TSHR: variants seen among roughly 807,000 people sequenced by gnomAD.
TSHR encodes the protein thyroid stimulating hormone receptor, also known as thyrotropin receptor.
In TSHR, 51 loss-of-function variants were observed where a neutral mutation model predicts 64.1. The observed-to-expected ratio is 0.80, with a 90% CI of 0.64 to 1.01. TSHR has a LOEUF of 1.01. TSHR is among the 50% of genes least tolerant of loss of function. The pLI, the probability that TSHR is intolerant of heterozygous loss-of-function variation, is 0.00. For missense variants in TSHR, 877 were observed against 942.8 expected (o/e 0.93, Z 0.91); for synonymous variants, 361 against 361.9 (o/e 1.00, Z 0.03).
chr14:80,984,886 C>T (rs1273915930), intron 1 of TSHR, among the ~76,000 whole-genome samples: 2 of 152,044 alleles, frequency 1.3e-5, no homozygotes, highest in East Asian at 3.9e-4. Flanking sequence ...CTTTTTCTAC[C>T]CATTTGTACT....
At position 81,103,770 on chromosome 14, in the gene TSHR, CGCAATCTGCGTGGGGAT is replaced by C. The variant is rs1194095035; in HGVS notation, c.615-4604_615-4588del. ...GAATTTCTTTTCCATCCTCTTTCCA[CGCAATCTGCGTGGGGAT>C]ATGTTGCTTCTCACAGAATGTCTGA... On this transcript the variant is annotated intron_variant, in intron 7 of 9. Transcript: ENST00000298171. This position sits in a 1 kb window ranked among gnomAD's most constrained non-coding sequence, Gnocchi z 4.1. 3.0e-6 allele frequency: 3 copies of C among 985,358 alleles called. No individual in the cohort carries two copies. The highest frequency in any genetic ancestry group is 3.5e-5 in the African/African-American group (2 of 57,252). 61.0% of individuals were successfully genotyped at this position (985,358 alleles called of 1,614,324 possible).
intron 1 of TSHR, among the ~76,000 whole-genome samples, chr14:81,004,605 CAGTT>C (rs976500636): frequency 1.3e-5 from 2 of 152,160 alleles, no homozygotes; most frequent in Non-Finnish European, 2.9e-5. Flanking sequence ...TTACCAAAGA[CAGTT>C]AGGTAGCAGA....
At chr14:81,124,960 A>G (rs1420106630) in intron 8 of TSHR, among the ~76,000 whole-genome samples, 1 of 152,140 alleles carries the variant, frequency 6.6e-6, no homozygotes, top group East Asian at 1.9e-4. Context: ...CTCTCTGCCA[A>G]CCCTAGTGCA....
chr14:80,978,070 C>T (rs990462011), intron 1 of TSHR, among the ~76,000 whole-genome samples: 3 of 148,420 alleles, frequency 2.0e-5, no homozygotes, highest in Non-Finnish European at 3.0e-5. Flanking sequence ...ATCTTCCTTG[C>T]CTCCTCCTCA....
Position 81,108,661 on chromosome 14 carries a change from C to T in TSHR, c.692+209C>T, listed in dbSNP as rs3783941. The T allele has an allele frequency of 4.0e-5, 64 of 1,613,792 alleles. No individual in the cohort carries two copies. The highest frequency in any genetic ancestry group is 5.1e-5 in the Non-Finnish European group (60 of 1,179,938). On this transcript the variant is annotated intron_variant, in intron 8 of 9. Coordinates refer to ENST00000298171, the MANE Select transcript of TSHR (RefSeq NM_000369.5). ...GTCCTTTGAGACTCAGAAGGCCCCACGCTCCAGTATGCCATCATGATGCCT... is the reference window on the plus strand; with the variant it reads ...GTCCTTTGAGACTCAGAAGGCCCCATGCTCCAGTATGCCATCATGATGCCT...
chr14:80,991,935 T>C, intron 1 of TSHR: 1 of 232,400 alleles, frequency 4.3e-6, no homozygotes, highest in Non-Finnish European at 8.2e-6. Flanking sequence ...AATCACTTTG[T>C]TCTGGTTTAC....
chr14:81,021,388 C>A (rs1219612062), intron 1 of TSHR, among the ~76,000 whole-genome samples: 3 of 152,090 alleles, frequency 2.0e-5, no homozygotes, highest in African/African-American at 7.2e-5. Flanking sequence ...GATGTTTTAC[C>A]TGCTTGTCTT....
At chr14:81,074,772 AGT>A (rs1226669185) in intron 3 of TSHR, among the ~76,000 whole-genome samples, 2 of 138,964 alleles carry the variant, frequency 1.4e-5, no homozygotes, top group African/African-American at 6.9e-5. Flanking sequence ...CCATTTCATA[AGT>A]GTGTTTTCTT....
intron 5 of TSHR, among the ~76,000 whole-genome samples, chr14:81,092,221 G>T (rs1175609070): frequency 6.6e-6 from 1 of 152,112 alleles, no homozygotes; most frequent in African/African-American, 2.4e-5. Context: ...ACAAAGTGTT[G>T]CAGATTCGGG....
chr14:80,982,566 G>A (rs1888228336), intron 1 of TSHR: 1 of 1,010,950 alleles, frequency 9.9e-7, no homozygotes, highest in South Asian at 2.8e-5. Flanking sequence ...CTCAATCTGT[G>A]AGTAGGATAG....
chr14:81,000,241 A>G (rs1249858799), intron 1 of TSHR, among the ~76,000 whole-genome samples: 2 of 152,174 alleles, frequency 1.3e-5, no homozygotes, highest in South Asian at 2.1e-4. Flanking sequence ...CAAAATTTTT[A>G]ACTCCTAAGA....
intron 3 of TSHR, among the ~76,000 whole-genome samples, chr14:81,073,398 T>C (rs963966912): frequency 2.0e-4 from 30 of 152,066 alleles, no homozygotes; most frequent in Admixed American, 7.2e-4. Flanking sequence ...ATAAAAAATA[T>C]TGTATCCAAC....
intron 8 of TSHR, 96 bp from the exon 9 acceptor site, chr14:81,139,583 C>G: frequency 7.8e-7 from 1 of 1,277,424 alleles, no homozygotes; most frequent in Non-Finnish European, 1.1e-6. Context: ...ATATCATCTC[C>G]CAATTAACCT....
chr14:80,985,498 G>A (rs1888399121), intron 1 of TSHR, among the ~76,000 whole-genome samples: 1 of 152,190 alleles, frequency 6.6e-6, no homozygotes, highest in Non-Finnish European at 1.5e-5. Context: ...AAAGCTACAA[G>A]AGGCTGCTGT....
intron 1 of TSHR, among the ~76,000 whole-genome samples, chr14:81,060,243 C>T (rs1886135183): frequency 6.6e-6 from 1 of 152,098 alleles, no homozygotes; most frequent in African/African-American, 2.4e-5. Flanking sequence ...TGAGCTTAAA[C>T]TCAATCGCCT....
rs2140109163 is a variant in TSHR at position 81,143,088 on chromosome 14, C to T, written c.1030C>T (p.Gln344Ter). The T allele has an allele frequency of 6.2e-7, 1 of 1,614,130 alleles. No homozygotes were observed. The highest frequency in any genetic ancestry group is 8.5e-7 in the Non-Finnish European group (1 of 1,180,038). The change falls in exon 10 of 10, where the codon CAG (glutamine) becomes TAG (stop). Residue 344 changes from glutamine (Q) to a stop codon, truncating the protein, a stop_gained. Coordinates refer to ENST00000298171, the MANE Select transcript of TSHR (RefSeq NM_000369.5). LOFTEE classifies it high-confidence loss of function. ...IVGYKEKSKF[Q>*]DTHNNAHYYV... Reference sequence around the variant, plus strand: ...TGGGTACAAGGAAAAGTCCAAGTTCCAGGATACTCATAACAACGCTCATTA... The same window carrying T: ...TGGGTACAAGGAAAAGTCCAAGTTCTAGGATACTCATAACAACGCTCATTA...
At chr14:81,043,711 A>C (rs1015887346) in intron 1 of TSHR, among the ~76,000 whole-genome samples, 1 of 152,236 alleles carries the variant, frequency 6.6e-6, no homozygotes, top group African/African-American at 2.4e-5. Context: ...TAATGAAAAC[A>C]GCATGGTACT....
intron 7 of TSHR, among the ~76,000 whole-genome samples, chr14:81,100,684 A>C (rs2140009834): frequency 6.6e-6 from 1 of 152,352 alleles, no homozygotes; most frequent in Admixed American, 6.5e-5. Context: ...AAAGCAGCTC[A>C]CAGAACTCAG....
chr14:81,051,099 A>C (rs1885408926), intron 1 of TSHR: 1 of 154,918 alleles, frequency 6.5e-6, no homozygotes. Context: ...AGTTTATGTA[A>C]TATTCTAAAT....
Sources: gnomAD v4.1 joint callset for allele counts (sites outside exome capture counted in the v4.1 genomes callset) on GRCh38, gnomAD v4.1.1 for gene constraint, Gnocchi (gnomAD v3.1) non-coding constraint, MANE v1.5 for transcripts, NCBI Gene and HGNC (gene_info 2026-07-23, HGNC 2026-07-21) for gene names.